The following CCDC68 variants were observed in gnomAD, a reference collection of about 807,000 sequenced individuals.
The protein encoded by CCDC68 is coiled-coil domain-containing protein 68.
Under a neutral mutation model 47.1 loss-of-function variants are expected in CCDC68, and 45 were observed. The ratio of observed to expected loss-of-function variants is 0.96; its 90% confidence interval spans 0.75 to 1.23. The LOEUF (loss-of-function observed/expected upper bound fraction) is 1.23. CCDC68 is among the 50% of genes most tolerant of loss of function. The probability of loss-of-function intolerance (pLI) is 0.00; values close to 1 mark genes in which losing one functional copy is unlikely to be tolerated. For missense variants in CCDC68, 353 were observed against 373.6 expected (o/e 0.94, Z 0.45); for synonymous variants, 131 against 129.5 (o/e 1.01, Z -0.08).
intron 1 of CCDC68, among the ~76,000 whole-genome samples, chr18:54,949,178 T>C (rs2044573917): frequency 6.6e-6 from 1 of 152,154 alleles, no homozygotes; most frequent in African/African-American, 2.4e-5. Context: ...GTATTTTTAG[T>C]AGAGATGGGG....
intron 10 of CCDC68, among the ~76,000 whole-genome samples, chr18:54,916,250 G>A (rs1462844327): frequency 3.9e-5 from 6 of 152,150 alleles, no homozygotes; most frequent in African/African-American, 1.4e-4. Flanking sequence ...AAGAGGGCGA[G>A]AGTCTAAAGA....
At chr18:54,924,849 C>T (rs895118665) in intron 8 of CCDC68, among the ~76,000 whole-genome samples, 1 of 152,130 alleles carries the variant, frequency 6.6e-6, no homozygotes, top group African/African-American at 2.4e-5. Flanking sequence ...TATACCATAG[C>T]GGGTAGCATT....
At chr18:54,906,947 T>C (rs1336783748) in intron 11 of CCDC68, among the ~76,000 whole-genome samples, 1 of 152,200 alleles carries the variant, frequency 6.6e-6, no homozygotes, top group Non-Finnish European at 1.5e-5. Context: ...TCTTCCTGAA[T>C]TCCTAGACTG....
In CCDC68 at chr18:54,917,869, A is replaced by C. The variant is rs201398207; in HGVS notation, c.873+44T>G. The C allele has an allele frequency of 3.6e-5, 30 of 844,982 alleles. No individual in the cohort carries two copies. Among genetic ancestry groups the C allele is most frequent in the Middle Eastern group, 2.5e-4 (1 of 4,032 alleles). 52.3% of individuals were successfully genotyped at this position (844,982 alleles called of 1,614,324 possible). A position where few individuals can be genotyped will look rare whatever the true frequency, so the allele number is the denominator to read the frequency against. ...CACACACACACACACACACACACACACTCACACCCTCACAACAAAATGTAA... is the reference window on the plus strand; with the variant it reads ...CACACACACACACACACACACACACCCTCACACCCTCACAACAAAATGTAA... On this transcript the variant is annotated intron_variant, in intron 10 of 11. Transcript: ENST00000591504.
chr18:54,934,220 T>C lies in CCDC68; in HGVS notation c.600+600A>G, dbSNP rs566991843. ...CAAATTTATGTGTTCACCTTTTGTG[T>C]ATATTTTGAGTGCCAGCTACTTAAA... On this transcript the variant is annotated intron_variant, in intron 7 of 11. Transcript: ENST00000591504. 5.9e-5 allele frequency among the ~76,000 whole-genome samples: 9 copies of C among 152,366 alleles called. No individual in the cohort carries two copies. The South Asian group carries it at 1.9e-3, about 32-fold the overall frequency.
At chr18:54,919,680 C>T (rs112094399) in intron 8 of CCDC68, among the ~76,000 whole-genome samples, 2,560 of 152,276 alleles carry the variant, frequency 0.017, 59 homozygotes, top group African/African-American at 0.053. Context: ...AGCACTTATA[C>T]GCTAAATTGC....
chr18:54,933,035 T>C (rs2044289701), intron 7 of CCDC68, among the ~76,000 whole-genome samples: 1 of 152,196 alleles, frequency 6.6e-6, no homozygotes. Context: ...TGAACTAACA[T>C]CTAGTACACA....
chr18:54,911,138 C>G (rs1337386392), intron 10 of CCDC68, among the ~76,000 whole-genome samples: 1 of 152,220 alleles, frequency 6.6e-6, no homozygotes, highest in African/African-American at 2.4e-5. Flanking sequence ...ACCTCCACTT[C>G]CTGGGTTCAA....
At chr18:54,925,715 C>A (rs1247049225) in intron 8 of CCDC68, among the ~76,000 whole-genome samples, 1 of 152,168 alleles carries the variant, frequency 6.6e-6, no homozygotes, top group Non-Finnish European at 1.5e-5. Context: ...TCTGTGGGGA[C>A]TCATACTGCC....
intron 10 of CCDC68, among the ~76,000 whole-genome samples, chr18:54,912,952 C>T (rs145460385): frequency 3.0e-4 from 46 of 152,294 alleles, no homozygotes; most frequent in African/African-American, 1.1e-3. Flanking sequence ...CAAAGATCTC[C>T]CACAGGGTCC....
At chr18:54,953,013 A>C (rs1045751388) in intron 1 of CCDC68, among the ~76,000 whole-genome samples, 7 of 143,446 alleles carry the variant, frequency 4.9e-5, no homozygotes, top group Non-Finnish European at 9.2e-5. Flanking sequence ...ACTCTGTTTC[A>C]AAAAAAAAAA....
intron 6 of CCDC68, 78 bp from the exon 7 acceptor site, chr18:54,935,026 T>C: frequency 5.8e-6 from 7 of 1,217,296 alleles, no homozygotes; most frequent in Non-Finnish European, 7.4e-6. Flanking sequence ...TTTCTATAAT[T>C]TTCTAATTAG....
Position 54,903,072 on chromosome 18 carries a change from C to T in CCDC68, c.*1286G>A, listed in dbSNP as rs899444317. The T allele has an allele frequency of 6.6e-6, 1 of 152,132 alleles. No individual in the cohort carries two copies. The highest frequency in any genetic ancestry group is 1.5e-5 in the Non-Finnish European group (1 of 68,014). 9.4% of individuals were successfully genotyped at this position (152,132 alleles called of 1,614,324 possible). A position where few individuals can be genotyped will look rare whatever the true frequency, so the allele number is the denominator to read the frequency against. On this transcript the variant is annotated 3_prime_UTR_variant, in exon 12 of 12. Transcript: ENST00000591504. The stretch of plus-strand genomic sequence containing the variant: ...AGCGTAAAACTCACACACAGTTACA[C>T]AACAATTCAAGGATTACAGTACTTG...
intron 10 of CCDC68, among the ~76,000 whole-genome samples, chr18:54,915,399 A>G (rs564531049): frequency 6.6e-6 from 1 of 152,344 alleles, no homozygotes; most frequent in Non-Finnish European, 1.5e-5. Flanking sequence ...TGGAAAAATG[A>G]ATGAAAGTTT....
intron 11 of CCDC68, 95 bp from the exon 12 acceptor site, chr18:54,904,510 C>T (rs4801110): frequency 1 from 920,481 of 924,806 alleles, 458,215 homozygotes; most frequent in East Asian, 1. Flanking sequence ...ATACTATTCA[C>T]ATCAAATCTG....
At chr18:54,906,593 T>C (rs1599018210) in intron 11 of CCDC68, among the ~76,000 whole-genome samples, 1 of 152,158 alleles carries the variant, frequency 6.6e-6, no homozygotes. Flanking sequence ...CCAATGGGAA[T>C]GGTAAAGATG....
At chr18:54,920,236 C>CTTTTTTTT (rs58528142) in intron 8 of CCDC68, among the ~76,000 whole-genome samples, 3 of 135,238 alleles carry the variant, frequency 2.2e-5, no homozygotes, top group Middle Eastern at 3.7e-3. Context: ...TTTCTTTTTT[C>CTTTTTTTT]TTTTTTTTTT....
intron 10 of CCDC68, among the ~76,000 whole-genome samples, chr18:54,910,785 G>C (rs111716521): frequency 1.3e-5 from 2 of 152,222 alleles, no homozygotes; most frequent in South Asian, 4.1e-4. Flanking sequence ...GCTCTAACCC[G>C]AGCATGCACA....
At chr18:54,910,202 T>C (rs1331076505) in intron 10 of CCDC68, among the ~76,000 whole-genome samples, 1 of 151,950 alleles carries the variant, frequency 6.6e-6, no homozygotes. Flanking sequence ...TCCCAACAAG[T>C]GTTCAGCTAT....
Sources: gnomAD v4.1 joint callset for allele counts (sites outside exome capture counted in the v4.1 genomes callset) on GRCh38, gnomAD v4.1.1 for gene constraint, MANE v1.5 for transcripts, NCBI Gene and HGNC (gene_info 2026-07-23, HGNC 2026-07-21) for gene names.